CAMK1D: variants seen among roughly 807,000 people sequenced by gnomAD.
CAMK1D encodes calcium/calmodulin dependent protein kinase ID.
A neutral mutation model predicts 47.7 loss-of-function variants in CAMK1D; 9 were observed. The observed-to-expected ratio is 0.19, with a 90% CI of 0.11 to 0.33. The LOEUF is 0.33. CAMK1D is among the 10% of genes least tolerant of loss of function. The pLI is 1.00. For synonymous variants in CAMK1D, 184 were observed against 184.9 expected, an observed-to-expected ratio of 0.99 and a Z score of 0.04; for missense variants, 291 against 488.7, an observed-to-expected ratio of 0.60 and a Z score of 3.81.
chr10:12,611,235 T>A (rs750170302), intron 2 of CAMK1D, among the ~76,000 whole-genome samples: 2 of 151,996 alleles, frequency 1.3e-5, no homozygotes, highest in Non-Finnish European at 2.9e-5. Context: ...GGGGACCCCA[T>A]CAAAGTGCAG....
chr10:12,769,178 G>A (rs770450895), intron 4 of CAMK1D, among the ~76,000 whole-genome samples: 18 of 152,212 alleles, frequency 1.2e-4, no homozygotes, highest in Non-Finnish European at 2.1e-4. Flanking sequence ...GAGCGAGCAC[G>A]GGTCAGCTGG....
At chr10:12,424,605 A>T (rs1238753565) in intron 1 of CAMK1D, among the ~76,000 whole-genome samples, 1 of 152,156 alleles carries the variant, frequency 6.6e-6, no homozygotes, top group East Asian at 1.9e-4. Context: ...AGTGGGTCCA[A>T]AGTGATTCTC....
chr10:12,715,093 C>T (rs1182059512), intron 3 of CAMK1D, among the ~76,000 whole-genome samples: 1 of 152,142 alleles, frequency 6.6e-6, no homozygotes, highest in East Asian at 1.9e-4. Flanking sequence ...CACCAATCCC[C>T]TCAGACGCCC....
intron 3 of CAMK1D, among the ~76,000 whole-genome samples, chr10:12,672,061 A>G (rs1176684168): frequency 6.6e-6 from 1 of 151,106 alleles, no homozygotes; most frequent in Non-Finnish European, 1.5e-5. Flanking sequence ...GACTACAGGC[A>G]CCCGCCACCA....
intron 1 of CAMK1D, among the ~76,000 whole-genome samples, chr10:12,427,700 G>GTTTTTTTGTTTTT (rs1290974363): frequency 4.5e-4 from 14 of 31,044 alleles, no homozygotes; most frequent in Non-Finnish European, 6.8e-4. Context: ...TGAACTTACT[G>GTTTTTTTGTTTTT]TTTTTTTTTT....
At chr10:12,754,188 G>A (rs541328454) in intron 3 of CAMK1D, among the ~76,000 whole-genome samples, 2 of 152,276 alleles carry the variant, frequency 1.3e-5, no homozygotes, top group African/African-American at 4.8e-5. Context: ...ACCACGCCCA[G>A]CCTGCTCCTC....
chr10:12,423,966 C>G (rs890307949), intron 1 of CAMK1D, among the ~76,000 whole-genome samples: 2 of 152,002 alleles, frequency 1.3e-5, no homozygotes, highest in East Asian at 1.9e-4. Context: ...GTTGTTCGGT[C>G]CCCCCATCCC....
In CAMK1D at chr10:12,620,114, A is replaced by C. The variant is rs1316095368; in HGVS notation, c.225-46622A>C. On this transcript the variant is annotated intron_variant, in intron 2 of 10. Transcript: ENST00000619168. Reference sequence around the variant, plus strand: ...GTTGAAGGACACCTAGTTTGTGTCCAGTTTTTGACTATTAAAAAATAAAGC... The same window carrying C: ...GTTGAAGGACACCTAGTTTGTGTCCCGTTTTTGACTATTAAAAAATAAAGC... 7.8e-5 allele frequency among the ~76,000 whole-genome samples: 11 copies of C among 140,566 alleles called. No homozygotes were observed. In the Admixed American group the frequency reaches 8.6e-4, roughly 11 times the overall value. 92.2% of individuals were successfully genotyped at this position (140,566 alleles called of 152,430 possible). A position where few individuals can be genotyped will look rare whatever the true frequency, so the allele number is the denominator to read the frequency against.
chr10:12,821,069 G>T (rs894097354), intron 8 of CAMK1D, among the ~76,000 whole-genome samples: 2 of 152,174 alleles, frequency 1.3e-5, no homozygotes, highest in South Asian at 2.1e-4. Flanking sequence ...GTGGGGACCG[G>T]CAAATCAAAA....
rs12241792 is a variant in CAMK1D, at chr10:12,725,700, C to T, written c.300-35248C>T. On this transcript the variant is annotated intron_variant, in intron 3 of 10. Transcript: ENST00000619168. ...CTGCTTCTGTGGGAGAAGGAATGCACGGGATTCCAAAACTGGTCATGTTCG... is the reference window on the plus strand; with the variant it reads ...CTGCTTCTGTGGGAGAAGGAATGCATGGGATTCCAAAACTGGTCATGTTCG... Among the ~76,000 whole-genome samples the T allele has an allele frequency of 5.4e-3, 815 of 152,290 alleles. 7 individuals are homozygous for T. Among genetic ancestry groups the T allele is most frequent in the African/African-American group, 0.018 (741 of 41,552 alleles).
chr10:12,450,051 C>T lies in CAMK1D; in HGVS notation c.92+100141C>T, dbSNP rs183981838. Among the ~76,000 whole-genome samples, 5 of 143,552 alleles carry T rather than the reference C, an allele frequency of 3.5e-5. No individual in the cohort carries two copies. In the East Asian group the frequency reaches 1.1e-3, roughly 33 times the overall value. 94.2% of individuals were successfully genotyped at this position (143,552 alleles called of 152,430 possible). A position where few individuals can be genotyped will look rare whatever the true frequency, so the allele number is the denominator to read the frequency against. ...GTAAATTGGAGACATCTTGATGTTACACCCATACTAACAGTAGTGTCAATC... is the reference window on the plus strand; with the variant it reads ...GTAAATTGGAGACATCTTGATGTTATACCCATACTAACAGTAGTGTCAATC... On this transcript the variant is annotated intron_variant, in intron 1 of 10. Transcript: ENST00000619168.
intron 1 of CAMK1D, among the ~76,000 whole-genome samples, chr10:12,520,333 G>T (rs1282234546): frequency 1.1e-5 from 1 of 93,140 alleles, no homozygotes; most frequent in Non-Finnish European, 2.3e-5. Context: ...GACGATGGGC[G>T]GGTCAGGCAG....
At chr10:12,592,217 C>G (rs1012490023) in intron 2 of CAMK1D, among the ~76,000 whole-genome samples, 1 of 152,136 alleles carries the variant, frequency 6.6e-6, no homozygotes, top group African/African-American at 2.4e-5. Context: ...TCATCATCTC[C>G]CTGCGATCTC....
intron 1 of CAMK1D, among the ~76,000 whole-genome samples, chr10:12,376,800 C>T (rs1450923965): frequency 6.6e-6 from 1 of 150,884 alleles, no homozygotes; most frequent in African/African-American, 2.4e-5. Flanking sequence ...GTCGCCCAGG[C>T]TGGAGTACAG....
intron 2 of CAMK1D, among the ~76,000 whole-genome samples, chr10:12,613,509 T>C (rs1838692923): frequency 6.6e-6 from 1 of 152,260 alleles, no homozygotes; most frequent in Admixed American, 6.5e-5. Flanking sequence ...CATACAGTGG[T>C]TGAGAGTCGG....
chr10:12,397,706 T>G (rs1409748253), intron 1 of CAMK1D, among the ~76,000 whole-genome samples: 1 of 152,164 alleles, frequency 6.6e-6, no homozygotes, highest in East Asian at 1.9e-4. Context: ...AAAAATTGAC[T>G]GAAGAGGGTG....
chr10:12,449,768 G>C (rs1319397852), intron 1 of CAMK1D, among the ~76,000 whole-genome samples: 1 of 152,216 alleles, frequency 6.6e-6, no homozygotes. Context: ...GGAGGCCTAG[G>C]TGGGTGGATC....
At chr10:12,459,175 G>A (rs1425082801) in intron 1 of CAMK1D, among the ~76,000 whole-genome samples, 1 of 151,866 alleles carries the variant, frequency 6.6e-6, no homozygotes, top group Non-Finnish European at 1.5e-5. Context: ...CACGGTGCCG[G>A]GCCAGGATTA....
intron 1 of CAMK1D, among the ~76,000 whole-genome samples, chr10:12,437,349 G>A (rs1002489394): frequency 2.0e-5 from 3 of 151,988 alleles, no homozygotes; most frequent in South Asian, 2.1e-4. Context: ...CTGCTACCAC[G>A]CCTGGCTAAT....
Sources: allele counts gnomAD v4.1 joint callset (sites outside exome capture counted in the v4.1 genomes callset), GRCh38; gene constraint gnomAD v4.1.1; transcripts MANE v1.5; gene names NCBI Gene and HGNC (gene_info 2026-07-23, HGNC 2026-07-21).